The following C16orf87 variants were observed in gnomAD, a reference collection of about 807,000 sequenced individuals.
C16orf87 encodes the protein HDAC and MIER1 interacting protein 1, also known as UPF0547 protein C16orf87.
C16orf87 carries 13 observed loss-of-function variants against 21.0 expected under a neutral mutation model. The ratio of observed to expected loss-of-function variants is 0.62; its 90% confidence interval spans 0.40 to 0.98. The LOEUF (loss-of-function observed/expected upper bound fraction) is 0.98. Ranked by LOEUF, C16orf87 falls within the 50% of genes least tolerant of loss-of-function variation. C16orf87 has a pLI of 0.00. For missense variants in C16orf87, 113 were observed against 180.4 expected (o/e 0.63, Z 2.14); for synonymous variants, 49 against 60.2 (o/e 0.81, Z 0.86).
chr16:46,825,374 G>A (rs1959573184), intron 1 of C16orf87, among the ~76,000 whole-genome samples: 1 of 152,162 alleles, frequency 6.6e-6, no homozygotes, highest in Admixed American at 6.5e-5. Flanking sequence ...CATGAGAGGA[G>A]AAGATATCAA....
intron 2 of C16orf87, among the ~76,000 whole-genome samples, chr16:46,818,874 G>C (rs1179446401): frequency 6.6e-6 from 1 of 152,134 alleles, no homozygotes; most frequent in Non-Finnish European, 1.5e-5. Flanking sequence ...TGGAGGCAGG[G>C]AACTAAGGCA....
chr16:46,811,685 G>A (rs1018327862), intron 2 of C16orf87, among the ~76,000 whole-genome samples: 3 of 152,048 alleles, frequency 2.0e-5, no homozygotes, highest in Admixed American at 2.0e-4. Flanking sequence ...ACACCATGGG[G>A]ATACAAACAG....
At chr16:46,827,377 A>C (rs1225361487) in intron 1 of C16orf87, among the ~76,000 whole-genome samples, 1 of 152,174 alleles carries the variant, frequency 6.6e-6, no homozygotes, top group Non-Finnish European at 1.5e-5. Context: ...ATTTTAAACA[A>C]ACACACTAAA....
chr16:46,806,839 G>C (rs1315262761), intron 3 of C16orf87, among the ~76,000 whole-genome samples: 1 of 152,038 alleles, frequency 6.6e-6, no homozygotes, highest in Admixed American at 6.6e-5. Context: ...CATCTGACTA[G>C]ATAGAAAAGT....
intron 3 of C16orf87, among the ~76,000 whole-genome samples, chr16:46,807,801 C>A (rs191130951): frequency 5.5e-4 from 84 of 152,118 alleles, no homozygotes; most frequent in African/African-American, 1.8e-3. Flanking sequence ...CTGTAATAAA[C>A]AGAAAATGCC....
chr16:46,806,003 C>A (rs1426659435), intron 3 of C16orf87, among the ~76,000 whole-genome samples: 1 of 152,068 alleles, frequency 6.6e-6, no homozygotes, highest in African/African-American at 2.4e-5. Flanking sequence ...TATTATTTAC[C>A]TTTTTCAAAG....
chr16:46,824,688 C>T lies in C16orf87; in HGVS notation c.67-206G>A, dbSNP rs190091953. Among the ~76,000 whole-genome samples, 31 of 125,004 alleles carry T rather than the reference C, an allele frequency of 2.5e-4. 1 individual carries two copies. The East Asian group carries it at 6.6e-3, about 27-fold the overall frequency. The allele number at this position is 125,004 out of a possible 152,430, so 82.0% of individuals were successfully genotyped here. A position where few individuals can be genotyped will look rare whatever the true frequency, so the allele number is the denominator to read the frequency against. ...CATTCTTTTTTTTTTTTTTTTGAGA[C>T]GGAGTCTCACTCTGTCACCCAGGCT... On this transcript the variant is annotated intron_variant, in intron 1 of 3. Coordinates refer to ENST00000285697, the MANE Select transcript of C16orf87 (RefSeq NM_001001436.4).
At chr16:46,809,963 T>C (rs1968037390) in intron 2 of C16orf87, among the ~76,000 whole-genome samples, 178 bp from the exon 3 acceptor site, 1 of 152,128 alleles carries the variant, frequency 6.6e-6, no homozygotes, top group Non-Finnish European at 1.5e-5. Flanking sequence ...AAAAAGAAAT[T>C]CAATAGAATT....
In C16orf87 at chr16:46,798,049, TTAAATAAA is replaced by T. The variant is rs200880579; in HGVS notation, c.*4895_*4902del. On this transcript the variant is annotated 3_prime_UTR_variant, in exon 4 of 4. Coordinates refer to ENST00000285697, the MANE Select transcript of C16orf87 (RefSeq NM_001001436.4). ...AAAAAGCCTTCTGATCAGTGTTGAA[TTAAATAAA>T]TAAATAAATAAATAAGTAAATTTTA... is the stretch of plus-strand genomic sequence containing the variant. The T allele has an allele frequency of 4.0e-5, 6 of 151,868 alleles. No homozygotes were observed. The highest frequency in any genetic ancestry group is 2.1e-4 in the South Asian group (1 of 4,820). 9.4% of individuals were successfully genotyped at this position (151,868 alleles called of 1,614,324 possible).
chr16:46,830,984 C>G (rs767099819), intron 1 of C16orf87, 100 bp downstream of exon 1: 3 of 881,970 alleles, frequency 3.4e-6, no homozygotes, highest in Non-Finnish European at 5.0e-6. Context: ...CCAGGATCTG[C>G]CCACCGCTCG....
At chr16:46,814,280 C>CA (rs1359608200) in intron 2 of C16orf87, among the ~76,000 whole-genome samples, 1 of 152,076 alleles carries the variant, frequency 6.6e-6, no homozygotes, top group African/African-American at 2.4e-5. Flanking sequence ...CAGGGCAGGA[C>CA]AAAAAGTACA....
intron 1 of C16orf87, 179 bp downstream of exon 1, chr16:46,830,905 C>G: frequency 2.5e-6 from 1 of 400,692 alleles, no homozygotes; most frequent in Non-Finnish European, 4.4e-6. Flanking sequence ...GCCACGGCCC[C>G]GGGCTTTTCC....
rs796311609 is a variant in C16orf87 at position 46,799,611 on chromosome 16, G to A, written c.*3341C>T. The A allele has an allele frequency of 2.0e-4, 30 of 152,312 alleles. No individual in the cohort carries two copies. Among genetic ancestry groups the A allele is most frequent in the African/African-American group, 6.7e-4 (28 of 41,578 alleles). The allele number at this position is 152,312 out of a possible 1,614,324, so 9.4% of individuals were successfully genotyped here. A position where few individuals can be genotyped will look rare whatever the true frequency, so the allele number is the denominator to read the frequency against. On this transcript the variant is annotated 3_prime_UTR_variant, in exon 4 of 4. Transcript: ENST00000285697. ...AGAGAAGAACACAATTTGGCAGAAT[G>A]ACTACCTGTATCTAGAGCATATTTT...
At position 46,796,682 on chromosome 16, in the gene C16orf87, T is replaced by G. The variant is rs1287766823; in HGVS notation, c.*6270A>C. On this transcript the variant is annotated 3_prime_UTR_variant, in exon 4 of 4. Transcript: ENST00000285697. ...GAAACATCATGCTGCATACAATATATGATTTTGTTAACTGAAATGATTTAT... is the reference window on the plus strand; with the variant it reads ...GAAACATCATGCTGCATACAATATAGGATTTTGTTAACTGAAATGATTTAT... The G allele has an allele frequency of 1.3e-5, 2 of 152,204 alleles. No individual in the cohort carries two copies. The highest frequency in any genetic ancestry group is 1.3e-4 in the Admixed American group (2 of 15,280). 9.4% of individuals were successfully genotyped at this position (152,204 alleles called of 1,614,324 possible). A position where few individuals can be genotyped will look rare whatever the true frequency, so the allele number is the denominator to read the frequency against.
rs548188751 is a variant in C16orf87 at position 46,828,060 on chromosome 16, G to A, written c.66+3024C>T. 4.0e-3 allele frequency among the ~76,000 whole-genome samples: 600 copies of A among 151,576 alleles called. 1 individual carries two copies. The highest frequency in any genetic ancestry group is 5.8e-3 in the Non-Finnish European group (391 of 67,920). ...ATCACTTCTCCTGCCTCAGCCTCCC[G>A]AGTAGCTGGAACTACAGAGGTGCAT... On this transcript the variant is annotated intron_variant, in intron 1 of 3. Coordinates refer to ENST00000285697, the MANE Select transcript of C16orf87 (RefSeq NM_001001436.4).
rs1967709867 is a variant in C16orf87 at position 46,799,424 on chromosome 16, A to G, written c.*3528T>C. On this transcript the variant is annotated 3_prime_UTR_variant, in exon 4 of 4. Coordinates refer to ENST00000285697, the MANE Select transcript of C16orf87 (RefSeq NM_001001436.4). ...AGAAAAAACTTTAATTAACTTAAAT[A>G]AGAGATTTGTTAACAACAATATGCC... The G allele has an allele frequency of 6.6e-6, 1 of 152,230 alleles. No homozygotes were observed. Among genetic ancestry groups the G allele is most frequent in the African/African-American group, 2.4e-5 (1 of 41,470 alleles). 9.4% of individuals were successfully genotyped at this position (152,230 alleles called of 1,614,324 possible).
chr16:46,825,808 G>A (rs1005851725), intron 1 of C16orf87, among the ~76,000 whole-genome samples: 1 of 151,886 alleles, frequency 6.6e-6, no homozygotes, highest in Non-Finnish European at 1.5e-5. Context: ...CAGCTACTTG[G>A]GTGGCTGAGG....
intron 1 of C16orf87, 75 bp downstream of exon 1, chr16:46,831,009 G>T: frequency 8.0e-7 from 1 of 1,247,104 alleles, no homozygotes; most frequent in Non-Finnish European, 1.1e-6. Flanking sequence ...CCGGGAGCCC[G>T]GCGAGGCCCC....
intron 2 of C16orf87, among the ~76,000 whole-genome samples, chr16:46,815,137 A>G (rs779918577): frequency 7.9e-5 from 12 of 151,962 alleles, no homozygotes; most frequent in Non-Finnish European, 1.5e-4. Context: ...TATCTTCCAC[A>G]AGTTGTAACA....
Sources: gnomAD v4.1 joint callset for allele counts (sites outside exome capture counted in the v4.1 genomes callset) on GRCh38, gnomAD v4.1.1 for gene constraint, MANE v1.5 for transcripts, NCBI Gene and HGNC (gene_info 2026-07-23, HGNC 2026-07-21) for gene names.